Variants in IGF2BP3 observed in about 807,000 individuals in gnomAD.
The protein encoded by IGF2BP3 is insulin like growth factor 2 mRNA binding protein 3.
Under a neutral mutation model 73.8 loss-of-function variants are expected in IGF2BP3, and 9 were observed. The ratio of observed to expected loss-of-function variants is 0.12; its 90% CI spans 0.07 to 0.21. The LOEUF is 0.21. Among genes scored for constraint, IGF2BP3 ranks in the 10% least tolerant of loss-of-function variants. The pLI is 1.00. For missense variants in IGF2BP3, 542 were observed against 714.0 expected, an observed-to-expected ratio of 0.76 and a Z score of 2.75; for synonymous variants, 258 against 256.7, an observed-to-expected ratio of 1.01 and a Z score of -0.05.
At chr7:23,329,735 T>G (rs570745765) in intron 10 of IGF2BP3, among the ~76,000 whole-genome samples, 2 of 152,358 alleles carry the variant, frequency 1.3e-5, no homozygotes, top group African/African-American at 2.4e-5. Flanking sequence ...AGCAGCCATG[T>G]GGCAAGATCA....
At chr7:23,426,338 A>G (rs1218290076) in intron 2 of IGF2BP3, among the ~76,000 whole-genome samples, 1 of 133,290 alleles carries the variant, frequency 7.5e-6, no homozygotes, top group Non-Finnish European at 1.6e-5. Context: ...AAAAAAAAAA[A>G]AAGGGGGGTG....
chr7:23,403,024 A>T (rs1181529895), intron 3 of IGF2BP3, among the ~76,000 whole-genome samples: 1 of 152,198 alleles, frequency 6.6e-6, no homozygotes, highest in Non-Finnish European at 1.5e-5. Context: ...CAATAAAGAG[A>T]GGTGGCCTCA....
In IGF2BP3 at chr7:23,466,321, C is replaced by T. The variant is rs182307586; in HGVS notation, c.236+2161G>A. On this transcript the variant is annotated intron_variant, in intron 2 of 14. Coordinates refer to ENST00000258729, the MANE Select transcript of IGF2BP3 (RefSeq NM_006547.3). ...TACAGGCGTGAGCCACTGCGCCCAGCCAAAGGCTCTACTTTTAAGACATTT... is the reference window on the plus strand; with the variant it reads ...TACAGGCGTGAGCCACTGCGCCCAGTCAAAGGCTCTACTTTTAAGACATTT... 3.2e-4 allele frequency among the ~76,000 whole-genome samples: 49 copies of T among 152,322 alleles called. No homozygotes were observed. In the East Asian group the frequency reaches 9.3e-3, roughly 29 times the overall value.
intron 3 of IGF2BP3, among the ~76,000 whole-genome samples, chr7:23,401,777 A>C (rs1028378194): frequency 1.3e-5 from 2 of 149,216 alleles, no homozygotes; most frequent in Admixed American, 1.3e-4. Flanking sequence ...AAAAAAAGTC[A>C]CTGCTGCCCT....
chr7:23,335,041 T>C (rs2128498673), intron 10 of IGF2BP3, among the ~76,000 whole-genome samples: 1 of 117,694 alleles, frequency 8.5e-6, no homozygotes, highest in African/African-American at 3.3e-5. Flanking sequence ...CTCAACTCCA[T>C]GACCTGAACA....
chr7:23,404,758 G>C (rs527485019), intron 3 of IGF2BP3, among the ~76,000 whole-genome samples: 1 of 151,980 alleles, frequency 6.6e-6, no homozygotes, highest in Non-Finnish European at 1.5e-5. Flanking sequence ...TACGGCAAGT[G>C]GGGGGTGGGG....
At chr7:23,401,551 G>A (rs923630504) in intron 3 of IGF2BP3, among the ~76,000 whole-genome samples, 2 of 151,834 alleles carry the variant, frequency 1.3e-5, no homozygotes, top group Non-Finnish European at 2.9e-5. Context: ...GATCACCTGA[G>A]GTCAGGAGTT....
At chr7:23,330,676 T>C (rs1296953726) in intron 10 of IGF2BP3, among the ~76,000 whole-genome samples, 1 of 152,134 alleles carries the variant, frequency 6.6e-6, no homozygotes, top group Non-Finnish European at 1.5e-5. Context: ...ACTCCTGACC[T>C]CAGGTGATCC....
chr7:23,385,281 A>C (rs1275710423), intron 3 of IGF2BP3, among the ~76,000 whole-genome samples: 1 of 152,164 alleles, frequency 6.6e-6, no homozygotes, highest in Non-Finnish European at 1.5e-5. Context: ...TTCTTGCTTA[A>C]AGAGAAAGAG....
At chr7:23,340,329 T>G (rs1784676637) in intron 10 of IGF2BP3, among the ~76,000 whole-genome samples, 1 of 152,176 alleles carries the variant, frequency 6.6e-6, no homozygotes, top group Admixed American at 6.6e-5. Flanking sequence ...AAGATGCTGC[T>G]GACAGTAAAG....
At position 23,311,538 on chromosome 7, in the gene IGF2BP3, G is replaced by C. The variant is rs2128490396; in HGVS notation, c.*824C>G. On this transcript the variant is annotated 3_prime_UTR_variant, in exon 15 of 15. Coordinates refer to ENST00000258729, the MANE Select transcript of IGF2BP3 (RefSeq NM_006547.3). ...GAATAAATGGTAGTGCTGCTCTCCA[G>C]ATACTAGGCACTGCTCCGTATTTTT... The C allele has an allele frequency of 6.6e-6, 1 of 152,410 alleles. No homozygotes were observed. The highest frequency in any genetic ancestry group is 1.5e-5 in the Non-Finnish European group (1 of 68,030). 9.4% of individuals were successfully genotyped at this position (152,410 alleles called of 1,614,324 possible).
intron 3 of IGF2BP3, among the ~76,000 whole-genome samples, chr7:23,380,421 C>T (rs1785873328): frequency 6.6e-6 from 1 of 152,078 alleles, no homozygotes; most frequent in Non-Finnish European, 1.5e-5. Flanking sequence ...CTTCGGCCTC[C>T]CAAAGTGCTG....
chr7:23,455,333 G>T (rs539149606), intron 2 of IGF2BP3, among the ~76,000 whole-genome samples: 1 of 152,208 alleles, frequency 6.6e-6, no homozygotes, highest in Non-Finnish European at 1.5e-5. Context: ...CACACCCCAG[G>T]ATGTTTCACA....
At chr7:23,396,041 GTTTTT>G (rs10718892) in intron 3 of IGF2BP3, among the ~76,000 whole-genome samples, 1 of 143,438 alleles carries the variant, frequency 7.0e-6, no homozygotes, top group Non-Finnish European at 1.5e-5. Context: ...AATCCAGTGA[GTTTTT>G]TTTTTTTTTT....
At chr7:23,408,627 A>G (rs184787479) in intron 3 of IGF2BP3, among the ~76,000 whole-genome samples, 335 of 152,372 alleles carry the variant, frequency 2.2e-3, no homozygotes, top group African/African-American at 7.3e-3. Flanking sequence ...CATAATTGCT[A>G]TAACATCTTT....
At chr7:23,448,367 T>G (rs1788113790) in intron 2 of IGF2BP3, among the ~76,000 whole-genome samples, 1 of 152,226 alleles carries the variant, frequency 6.6e-6, no homozygotes, top group South Asian at 2.1e-4. Flanking sequence ...TCATGTGTAC[T>G]TGTTTTCAGC....
intron 2 of IGF2BP3, among the ~76,000 whole-genome samples, chr7:23,424,103 G>A (rs975378332): frequency 1.3e-5 from 2 of 152,170 alleles, no homozygotes; most frequent in Admixed American, 6.5e-5. Flanking sequence ...AGGCGACAGA[G>A]TGAGACTCCA....
intron 3 of IGF2BP3, among the ~76,000 whole-genome samples, chr7:23,403,951 T>G (rs923230085): frequency 3.0e-4 from 45 of 151,414 alleles, no homozygotes; most frequent in African/African-American, 1.0e-3. Flanking sequence ...AGCAAGACCC[T>G]GTTTGTAAAA....
intron 2 of IGF2BP3, among the ~76,000 whole-genome samples, chr7:23,451,148 T>C (rs957618339): frequency 1.7e-4 from 26 of 152,204 alleles, no homozygotes; most frequent in Non-Finnish European, 5.9e-5. Context: ...CCAGACGCAG[T>C]GGCTCATACC....
Sources: gnomAD v4.1 joint callset for allele counts (sites outside exome capture counted in the v4.1 genomes callset) on GRCh38, gnomAD v4.1.1 for gene constraint, MANE v1.5 for transcripts, NCBI Gene and HGNC (gene_info 2026-07-23, HGNC 2026-07-21) for gene names.